The following DTD1 variants were observed in gnomAD, a reference collection of about 807,000 sequenced individuals.
DTD1 encodes the protein D-tyrosyl-tRNA deacylase 1 homolog.
Under a neutral mutation model 25.6 loss-of-function variants are expected in DTD1, and 13 were observed. The ratio of observed to expected loss-of-function variants is 0.51; its 90% CI spans 0.33 to 0.81. DTD1 has a LOEUF of 0.81. Ranked by LOEUF, DTD1 falls within the 30% of genes least tolerant of loss-of-function variation. DTD1 has a pLI of 0.02. For missense variants in DTD1, 193 were observed against 266.4 expected (o/e 0.72, Z 1.92); for synonymous variants, 110 against 103.6 (o/e 1.06, Z -0.37).
At chr20:18,721,457 T>C (rs1265144396) in intron 4 of DTD1, among the ~76,000 whole-genome samples, 4 of 152,262 alleles carry the variant, frequency 2.6e-5, no homozygotes. Context: ...AGTTTGTTAA[T>C]ACTTTGTTTA....
chr20:18,721,226 C>T (rs1403867415), intron 4 of DTD1, among the ~76,000 whole-genome samples: 2 of 152,056 alleles, frequency 1.3e-5, no homozygotes, highest in Non-Finnish European at 2.9e-5. Flanking sequence ...TCAATAAATC[C>T]TTTTTTAATA....
chr20:18,679,684 A>T (rs1201036137), intron 4 of DTD1, among the ~76,000 whole-genome samples: 1 of 152,164 alleles, frequency 6.6e-6, no homozygotes, highest in Non-Finnish European at 1.5e-5. Context: ...TCACTGCCAG[A>T]TGTGATGGAA....
Position 18,601,498 on chromosome 20 carries a change from CAAAAAAA to C in DTD1, c.370+5273_370+5279del, listed in dbSNP as rs1175102426. 4.4e-3 allele frequency among the ~76,000 whole-genome samples: 490 copies of C among 110,566 alleles called. 1 individual carries two copies. Among genetic ancestry groups the C allele is most frequent in the African/African-American group, 5.1e-3 (145 of 28,558 alleles). 72.5% of individuals were successfully genotyped at this position (110,566 alleles called of 152,430 possible). The stretch of plus-strand genomic sequence containing the variant: ...TGGATGACAGAGCGGGACTCTGTCT[CAAAAAAA>C]AAAAAAAAAAAAAAAGCAGTCTGAC... On this transcript the variant is annotated intron_variant, in intron 3 of 5. Coordinates refer to ENST00000377452, the MANE Select transcript of DTD1 (RefSeq NM_080820.6).
chr20:18,709,790 C>G (rs915166623), intron 4 of DTD1, among the ~76,000 whole-genome samples: 2 of 152,128 alleles, frequency 1.3e-5, no homozygotes, highest in African/African-American at 4.8e-5. Flanking sequence ...AAGCAGCTGA[C>G]AAGTCAGGAC....
chr20:18,745,229 G>A (rs987845967), intron 5 of DTD1, among the ~76,000 whole-genome samples: 2 of 152,174 alleles, frequency 1.3e-5, no homozygotes, highest in African/African-American at 4.8e-5. Flanking sequence ...TCCTAAAATG[G>A]CATTTTATTC....
At chr20:18,710,634 C>G (rs2122477039) in intron 4 of DTD1, among the ~76,000 whole-genome samples, 1 of 152,312 alleles carries the variant, frequency 6.6e-6, no homozygotes, top group South Asian at 2.1e-4. Context: ...ATTATATCAA[C>G]TTTAGAAATG....
At chr20:18,661,516 T>C (rs1052146871) in intron 4 of DTD1, among the ~76,000 whole-genome samples, 2 of 151,800 alleles carry the variant, frequency 1.3e-5, no homozygotes, top group Admixed American at 6.6e-5. Context: ...GGACTACAGG[T>C]GCCCGCCAGC....
intron 4 of DTD1, among the ~76,000 whole-genome samples, chr20:18,666,144 T>A (rs1568662804): frequency 6.6e-6 from 1 of 152,188 alleles, no homozygotes; most frequent in East Asian, 1.9e-4. Flanking sequence ...TTGACAGTCT[T>A]AAGGAGGACT....
chr20:18,693,323 A>AC (rs2061055546), intron 4 of DTD1, among the ~76,000 whole-genome samples: 1 of 152,210 alleles, frequency 6.6e-6, no homozygotes, highest in Non-Finnish European at 1.5e-5. Context: ...TAGTCAGTGA[A>AC]TAACATTGTT....
chr20:18,725,574 C>A (rs1457144117), intron 4 of DTD1, among the ~76,000 whole-genome samples: 1 of 152,184 alleles, frequency 6.6e-6, no homozygotes, highest in Non-Finnish European at 1.5e-5. Flanking sequence ...CTGGCAGGAG[C>A]CACTTTTTAA....
intron 3 of DTD1, among the ~76,000 whole-genome samples, chr20:18,613,013 C>G (rs1490369001): frequency 6.6e-6 from 1 of 152,124 alleles, no homozygotes; most frequent in Non-Finnish European, 1.5e-5. Context: ...CCTGCCTTCT[C>G]CGTCATGATC....
At chr20:18,684,857 G>C (rs1380126466) in intron 4 of DTD1, among the ~76,000 whole-genome samples, 2 of 151,806 alleles carry the variant, frequency 1.3e-5, no homozygotes, top group Non-Finnish European at 2.9e-5. Context: ...CCTGTTGTAA[G>C]TGACTGTGCC....
At chr20:18,660,773 A>T (rs954460203) in intron 4 of DTD1, among the ~76,000 whole-genome samples, 6 of 152,234 alleles carry the variant, frequency 3.9e-5, no homozygotes, top group Non-Finnish European at 7.3e-5. Flanking sequence ...AAGTTAGGCT[A>T]GGAAAAAATA....
At chr20:18,617,689 G>A (rs1600321684) in intron 3 of DTD1, among the ~76,000 whole-genome samples, 1 of 152,138 alleles carries the variant, frequency 6.6e-6, no homozygotes, top group East Asian at 1.9e-4. Flanking sequence ...GCTCTCTAGA[G>A]GTAATTACTT....
At chr20:18,663,319 G>A (rs760358645) in intron 4 of DTD1, among the ~76,000 whole-genome samples, 25 of 151,820 alleles carry the variant, frequency 1.6e-4, no homozygotes, top group Admixed American at 3.9e-4. Flanking sequence ...AGGAGTTCTA[G>A]GCTAGCCTGG....
At chr20:18,588,982 A>G in intron 1 of DTD1, 7 of 696,734 alleles carry the variant, frequency 1.0e-5, no homozygotes, top group Non-Finnish European at 1.2e-5. Context: ...TTTCAGTTCA[A>G]ATAATTTCAG....
At chr20:18,756,967 C>A (rs1395949426) in intron 5 of DTD1, among the ~76,000 whole-genome samples, 1 of 147,720 alleles carries the variant, frequency 6.8e-6, no homozygotes, top group East Asian at 2.0e-4. Context: ...TTGTAGTTCT[C>A]CTTGAAGAGG....
intron 3 of DTD1, among the ~76,000 whole-genome samples, chr20:18,608,552 T>A (rs76634887): frequency 0.014 from 2,148 of 152,316 alleles, 39 homozygotes; most frequent in African/African-American, 0.039. Flanking sequence ...TTGATTTTAG[T>A]TCTTTCTTCT....
In DTD1 at chr20:18,653,084, T is replaced by TG. The variant is rs543320490; in HGVS notation, c.477+24853dup. 3.9e-5 allele frequency among the ~76,000 whole-genome samples: 6 copies of TG among 152,254 alleles called. No homozygotes were observed. The South Asian group carries it at 1.2e-3, about 32-fold the overall frequency. On this transcript the variant is annotated intron_variant, in intron 4 of 5. Transcript: ENST00000377452. ...TTTTAGCAGGTGGGTTGTGGCCACA[T>TG]GGCATTGACTTAATTAATTAATTAA...
Sources: gnomAD v4.1 joint callset for allele counts (sites outside exome capture counted in the v4.1 genomes callset) on GRCh38, gnomAD v4.1.1 for gene constraint, MANE v1.5 for transcripts, NCBI Gene and HGNC (gene_info 2026-07-23, HGNC 2026-07-21) for gene names.